Variants in DRC8 observed in about 807,000 individuals in gnomAD.
DRC8 encodes the protein dynein regulatory complex protein 8.
chr1:245,017,513 C>T, the DRC8 span, among the ~76,000 whole-genome samples: 11 of 152,158 alleles, frequency 7.2e-5, no homozygotes, highest in Non-Finnish European at 1.5e-4. Flanking sequence ...TCTTATTCTT[C>T]ATACTCTGGT....
At chr1:244,995,033 C>T in the DRC8 span, among the ~76,000 whole-genome samples, 7 of 152,024 alleles carry the variant, frequency 4.6e-5, no homozygotes, top group Non-Finnish European at 1.0e-4. Flanking sequence ...GTTATCTCTC[C>T]TCTTGTATTT....
chr1:245,038,300 C>T, the DRC8 span, among the ~76,000 whole-genome samples: 7 of 152,138 alleles, frequency 4.6e-5, no homozygotes, highest in Non-Finnish European at 7.4e-5. Context: ...GAAACCTTGT[C>T]TCTACGAAAA....
At chr1:245,117,129 T>A in the DRC8 span, among the ~76,000 whole-genome samples, 27 of 152,242 alleles carry the variant, frequency 1.8e-4, no homozygotes, top group South Asian at 6.2e-4. Flanking sequence ...CTCTGCTCAC[T>A]GCAACCTCTG....
At chr1:245,113,825 G>A in the DRC8 span, among the ~76,000 whole-genome samples, 3 of 151,878 alleles carry the variant, frequency 2.0e-5, no homozygotes. Flanking sequence ...CTTGTCCCCA[G>A]TTTAGTTAGA....
the DRC8 span, among the ~76,000 whole-genome samples, chr1:245,069,330 A>G: frequency 0.5 from 75,561 of 151,952 alleles, 19,187 homozygotes; most frequent in African/African-American, 0.58. Flanking sequence ...ATAAGGAAGC[A>G]AAAATATAGT....
chr1:245,067,262 G>A, the DRC8 span, among the ~76,000 whole-genome samples: 1 of 152,108 alleles, frequency 6.6e-6, no homozygotes, highest in Non-Finnish European at 1.5e-5. Flanking sequence ...GAGTAGCTGG[G>A]ATTACAGGTG....
At chr1:244,979,937 G>A in the DRC8 span, among the ~76,000 whole-genome samples, 1 of 150,116 alleles carries the variant, frequency 6.7e-6, no homozygotes, top group African/African-American at 2.4e-5. Context: ...GGGTGCAGTG[G>A]CTCACGCCTG....
chr1:245,017,386 C>G, the DRC8 span: 1 of 1,481,392 alleles, frequency 6.8e-7, no homozygotes, highest in East Asian at 2.3e-5. Context: ...TCATAAGATA[C>G]AAGAGAGCTA....
the DRC8 span, chr1:245,087,203 A>C: frequency 8.8e-6 from 14 of 1,592,340 alleles, no homozygotes; most frequent in Non-Finnish European, 1.2e-5. Context: ...GAAAAAAATC[A>C]GATGATCCTA....
chr1:245,021,025 C>T, the DRC8 span, among the ~76,000 whole-genome samples: 4 of 152,052 alleles, frequency 2.6e-5, no homozygotes, highest in Non-Finnish European at 5.9e-5. Context: ...TCTGTGAAGC[C>T]AGGTGTTACA....
chr1:244,974,651 CTTTG>C, the DRC8 span, among the ~76,000 whole-genome samples: 1 of 151,872 alleles, frequency 6.6e-6, no homozygotes, highest in South Asian at 2.1e-4. Context: ...TAAATAACGT[CTTTG>C]TTTTTTTTTT....
chr1:244,973,176 C>T, the DRC8 span, among the ~76,000 whole-genome samples: 1 of 152,244 alleles, frequency 6.6e-6, no homozygotes. Context: ...TATACATTGA[C>T]TTGAAGGCTG....
chr1:245,001,422 C>T, the DRC8 span, among the ~76,000 whole-genome samples: 1 of 152,174 alleles, frequency 6.6e-6, no homozygotes, highest in Non-Finnish European at 1.5e-5. Context: ...TGTAAAAATA[C>T]AAATTCCTGG....
At chr1:245,113,106 A>G in the DRC8 span, among the ~76,000 whole-genome samples, 1 of 152,156 alleles carries the variant, frequency 6.6e-6, no homozygotes, top group African/African-American at 2.4e-5. Flanking sequence ...ATTTTAAAAA[A>G]CAGGATACAC....
the DRC8 span, among the ~76,000 whole-genome samples, chr1:245,019,174 G>T: frequency 1.2e-4 from 19 of 152,260 alleles, no homozygotes; most frequent in East Asian, 3.7e-3. Flanking sequence ...GAAAGTGGAT[G>T]TTCTTACAAC....
At chr1:244,988,024 T>G in the DRC8 span, among the ~76,000 whole-genome samples, 1 of 152,174 alleles carries the variant, frequency 6.6e-6, no homozygotes, top group Admixed American at 6.5e-5. Context: ...AAGTTTAACT[T>G]TTTTTGTTGT....
the DRC8 span, among the ~76,000 whole-genome samples, chr1:245,100,722 C>T: frequency 6.6e-6 from 1 of 151,694 alleles, no homozygotes; most frequent in Non-Finnish European, 1.5e-5. Context: ...GTTGAGGCTG[C>T]AGTGAACAGT....
At chr1:244,973,243 T>A in the DRC8 span, among the ~76,000 whole-genome samples, 1 of 152,228 alleles carries the variant, frequency 6.6e-6, no homozygotes, top group Non-Finnish European at 1.5e-5. Context: ...AATAATATAC[T>A]GTTTTATGGG....
the DRC8 span, among the ~76,000 whole-genome samples, chr1:245,049,444 A>G: frequency 6.6e-6 from 1 of 152,194 alleles, no homozygotes; most frequent in African/African-American, 2.4e-5. The surrounding 1 kb of genome is among the most constrained non-coding windows in gnomAD (Gnocchi z 4.5). Flanking sequence ...TACAAAACTG[A>G]TATTTTCTGG....
Sources: gnomAD v4.1 joint callset for allele counts (sites outside exome capture counted in the v4.1 genomes callset) on GRCh38, gnomAD v4.1.1 for gene constraint, Gnocchi (gnomAD v3.1) non-coding constraint, MANE v1.5 for transcripts, NCBI Gene and HGNC (gene_info 2026-07-23, HGNC 2026-07-21) for gene names.